Variants in LURAP1L observed in about 807,000 individuals in gnomAD.
LURAP1L encodes the protein leucine rich adaptor protein 1-like.
In LURAP1L, 12 loss-of-function variants were observed where a neutral mutation model predicts 13.8. That is an observed-to-expected ratio of 0.87 (90% CI 0.56 to 1.41). LURAP1L has a LOEUF of 1.41. Ranked by LOEUF, LURAP1L falls within the 40% of genes most tolerant of loss-of-function variation. LURAP1L has a pLI of 0.00. For missense variants in LURAP1L, 375 were observed against 292.9 expected, an observed-to-expected ratio of 1.28 and a Z score of -2.04; for synonymous variants, 139 against 119.2, an observed-to-expected ratio of 1.17 and a Z score of -1.08.
intron 1 of LURAP1L, among the ~76,000 whole-genome samples, chr9:12,808,743 T>C (rs1819695293): frequency 6.6e-6 from 1 of 152,202 alleles, no homozygotes; most frequent in African/African-American, 2.4e-5. Context: ...TTTGCAGATC[T>C]GTAGCTTTGT....
chr9:12,801,266 C>T (rs963745098), intron 1 of LURAP1L, among the ~76,000 whole-genome samples: 1 of 151,608 alleles, frequency 6.6e-6, no homozygotes, highest in African/African-American at 2.4e-5. Context: ...TTAGCCGCAT[C>T]TCTCCAAAGA....
intron 1 of LURAP1L, among the ~76,000 whole-genome samples, chr9:12,795,830 T>A: frequency 6.6e-6 from 1 of 152,064 alleles, no homozygotes; most frequent in South Asian, 2.1e-4. Context: ...TTAAGGGATG[T>A]TGTACTTTTG....
intron 1 of LURAP1L, among the ~76,000 whole-genome samples, chr9:12,798,720 A>G (rs1284333483): frequency 6.6e-6 from 1 of 152,334 alleles, no homozygotes; most frequent in African/African-American, 2.4e-5. Context: ...AGTCATTATC[A>G]GATATAAGGA....
chr9:12,812,167 A>G (rs765252201), intron 1 of LURAP1L, among the ~76,000 whole-genome samples: 4 of 152,196 alleles, frequency 2.6e-5, no homozygotes, highest in East Asian at 1.9e-4. Flanking sequence ...TTATTTAGAA[A>G]TAAGTCAATA....
chr9:12,809,148 G>A (rs978429522), intron 1 of LURAP1L, among the ~76,000 whole-genome samples: 3 of 152,094 alleles, frequency 2.0e-5, no homozygotes, highest in African/African-American at 7.2e-5. Flanking sequence ...AGGGCACTAA[G>A]CCATCCCTGA....
intron 1 of LURAP1L, among the ~76,000 whole-genome samples, chr9:12,800,300 T>G (rs1403471072): frequency 6.6e-6 from 1 of 152,212 alleles, no homozygotes; most frequent in Non-Finnish European, 1.5e-5. Flanking sequence ...ATGTACATAA[T>G]GTATACCACT....
chr9:12,819,113 C>T (rs145039510), intron 1 of LURAP1L, among the ~76,000 whole-genome samples: 2 of 152,228 alleles, frequency 1.3e-5, no homozygotes, highest in African/African-American at 4.8e-5. Context: ...TATTGAGACA[C>T]CCCAACAAAT....
At chr9:12,778,220 C>T (rs1262510625) in intron 1 of LURAP1L, among the ~76,000 whole-genome samples, 1 of 151,994 alleles carries the variant, frequency 6.6e-6, no homozygotes, top group Admixed American at 6.6e-5. Flanking sequence ...ATCAATAAGA[C>T]CCAATAGGAT....
intron 1 of LURAP1L, among the ~76,000 whole-genome samples, chr9:12,797,340 A>G (rs1819523208): frequency 6.6e-6 from 1 of 152,168 alleles, no homozygotes; most frequent in African/African-American, 2.4e-5. Context: ...GAAGAGTGAC[A>G]ATAGGAATCA....
Position 12,775,850 on chromosome 9 carries a change from G to T in LURAP1L, c.135G>T (p.Gly45=), listed in dbSNP as rs553686180. 3.6e-6 allele frequency: 5 copies of T among 1,373,696 alleles called. No individual in the cohort carries two copies. The East Asian group carries it at 7.4e-5, about 20-fold the overall frequency. 85.1% of individuals were successfully genotyped at this position (1,373,696 alleles called of 1,614,324 possible). Residue 45 remains glycine (G), a synonymous_variant, in exon 1 of 2, where the codon GGG becomes GGT. Coordinates refer to ENST00000319264, the MANE Select transcript of LURAP1L (RefSeq NM_203403.2). ...PRERDRDPCG[G]SGGGGGGGGG... is the part of the protein sequence containing the mutation. ...AAAGGGACAGGGACCCCTGCGGGGG[G>T]AGCGGTGGTGGTGGCGGCGGCGGCG...
chr9:12,793,614 C>T (rs79087841), intron 1 of LURAP1L, among the ~76,000 whole-genome samples: 25 of 151,900 alleles, frequency 1.6e-4, no homozygotes, highest in African/African-American at 4.3e-4. Context: ...TATTTCCACT[C>T]GAAGTTGAAA....
chr9:12,781,438 T>G (rs887873229), intron 1 of LURAP1L, among the ~76,000 whole-genome samples: 1 of 152,168 alleles, frequency 6.6e-6, no homozygotes, highest in African/African-American at 2.4e-5. Flanking sequence ...GTAACCATCA[T>G]TCTACTTCCT....
intron 1 of LURAP1L, among the ~76,000 whole-genome samples, chr9:12,813,283 C>G (rs542815118): frequency 4.6e-5 from 7 of 152,022 alleles, no homozygotes; most frequent in Non-Finnish European, 1.0e-4. Flanking sequence ...TTATATAAAC[C>G]TATAATTTAA....
intron 1 of LURAP1L, among the ~76,000 whole-genome samples, chr9:12,798,236 G>C (rs1193736359): frequency 6.6e-6 from 1 of 152,120 alleles, no homozygotes; most frequent in Non-Finnish European, 1.5e-5. Context: ...GACATGTCCT[G>C]ATGAGCTCAT....
rs1270766929 is a variant in LURAP1L at position 12,775,232 on chromosome 9, C to G, written c.-484C>G. On this transcript the variant is annotated 5_prime_UTR_variant, in exon 1 of 2. The change creates a new upstream start codon in the 5' untranslated region. Transcript: ENST00000319264. ...TGGAAAATGAAACGACCCAGGACAT[C>G]GTTTCTGGCTGCATCATTATTTTGT... 1 of 153,172 alleles carries G rather than the reference C, an allele frequency of 6.5e-6. No individual in the cohort carries two copies. Among genetic ancestry groups the G allele is most frequent in the African/African-American group, 2.4e-5 (1 of 41,472 alleles). The allele number at this position is 153,172 out of a possible 1,614,324, so 9.5% of individuals were successfully genotyped here. A position where few individuals can be genotyped will look rare whatever the true frequency, so the allele number is the denominator to read the frequency against.
At chr9:12,786,583 A>ATATATATATATAG (rs1384664118) in intron 1 of LURAP1L, among the ~76,000 whole-genome samples, 1 of 19,856 alleles carries the variant, frequency 5.0e-5, no homozygotes, top group Non-Finnish European at 1.0e-4. Context: ...TATATATATA[A>ATATATATATATAG]ACCCTTGTGC....
At chr9:12,782,428 A>T (rs1351509454) in intron 1 of LURAP1L, among the ~76,000 whole-genome samples, 1 of 152,210 alleles carries the variant, frequency 6.6e-6, no homozygotes, top group Non-Finnish European at 1.5e-5. Flanking sequence ...GGCAAGAGAT[A>T]GGGGTCTAGT....
chr9:12,821,302 T>C (rs977500964), intron 1 of LURAP1L, 84 bp from the exon 2 acceptor site: 5 of 1,430,060 alleles, frequency 3.5e-6, no homozygotes, highest in Non-Finnish European at 3.8e-6. Flanking sequence ...AATTCTGAAC[T>C]GCAGCAGACA....
chr9:12,800,629 T>A (rs1819572620), intron 1 of LURAP1L, among the ~76,000 whole-genome samples: 1 of 152,178 alleles, frequency 6.6e-6, no homozygotes, highest in Admixed American at 6.6e-5. Context: ...CAAGAATATC[T>A]GAATATTTGA....
Sources: gnomAD v4.1 joint callset for allele counts (sites outside exome capture counted in the v4.1 genomes callset) on GRCh38, gnomAD v4.1.1 for gene constraint, MANE v1.5 for transcripts, NCBI Gene and HGNC (gene_info 2026-07-23, HGNC 2026-07-21) for gene names.